The following KCNIP4 variants were observed in gnomAD, a reference collection of about 807,000 sequenced individuals.
KCNIP4 encodes Kv channel-interacting protein 4.
Under a neutral mutation model 34.0 loss-of-function variants are expected in KCNIP4, and 12 were observed. The observed-to-expected ratio is 0.35, with a 90% CI of 0.23 to 0.57. The LOEUF (loss-of-function observed/expected upper bound fraction) is 0.57, where lower values mean the gene tolerates loss of function less well. Among genes scored for constraint, KCNIP4 ranks in the 20% least tolerant of loss-of-function variants. KCNIP4 has a pLI of 0.83. For synonymous variants in KCNIP4, 124 were observed against 102.2 expected (o/e 1.21, Z -1.29); for missense variants, 238 against 311.7 (o/e 0.76, Z 1.78).
At position 20,853,950 on chromosome 4, in the gene KCNIP4, C is replaced by G. The variant is rs185644378; in HGVS notation, c.164-3283G>C. ...AATCAAAACCACAATGCAATACTGC[C>G]TTACTCCTCCAACAATGGCCATAAT... On this transcript the variant is annotated intron_variant, in intron 2 of 8. Transcript: ENST00000382152. Among the ~76,000 whole-genome samples the G allele has an allele frequency of 1.1e-4, 16 of 152,250 alleles. No individual in the cohort carries two copies. In the East Asian group the frequency reaches 2.9e-3, roughly 28 times the overall value.
intron 1 of KCNIP4, among the ~76,000 whole-genome samples, chr4:21,336,327 T>C (rs1716177267): frequency 6.6e-6 from 1 of 152,146 alleles, no homozygotes; most frequent in African/African-American, 2.4e-5. Flanking sequence ...CTCTGTGTAC[T>C]TACTGAGGGG....
At chr4:21,441,413 G>A (rs1727467613) in intron 1 of KCNIP4, among the ~76,000 whole-genome samples, 1 of 152,010 alleles carries the variant, frequency 6.6e-6, no homozygotes, top group Non-Finnish European at 1.5e-5. Flanking sequence ...AAAGTGCTGG[G>A]ATTACAGGCA....
intron 6 of KCNIP4, 92 bp from the exon 7 acceptor site, chr4:20,732,877 A>G (rs1748673286): frequency 1.3e-6 from 1 of 770,156 alleles, no homozygotes; most frequent in East Asian, 2.8e-5. Context: ...CTCAATTTTA[A>G]ATTTTTGACT....
intron 1 of KCNIP4, among the ~76,000 whole-genome samples, chr4:21,556,640 G>C (rs1739033189): frequency 6.6e-6 from 1 of 151,984 alleles, no homozygotes; most frequent in Non-Finnish European, 1.5e-5. Flanking sequence ...TACATCAGAG[G>C]CCAGGCATTG....
rs552477636 is a variant in KCNIP4, at chr4:20,961,477, A to C, written c.62-78768T>G. ...AAAAGCCCCAAAACTCAGCAAAGGC[A>C]ACAATTCAAACTACCACAGGAAATG... On this transcript the variant is annotated intron_variant, in intron 1 of 8. Transcript: ENST00000382152. Among the ~76,000 whole-genome samples, 258 of 152,342 alleles carry C rather than the reference A, an allele frequency of 1.7e-3. 1 individual carries two copies. Among genetic ancestry groups the C allele is most frequent in the African/African-American group, 5.8e-3 (243 of 41,582 alleles).
chr4:21,482,702 C>T (rs1490580848), intron 1 of KCNIP4, among the ~76,000 whole-genome samples: 3 of 152,100 alleles, frequency 2.0e-5, no homozygotes, highest in African/African-American at 7.2e-5. Context: ...GATGGGCTTC[C>T]CTTTGTGGGT....
At chr4:20,770,721 G>A (rs1394801821) in intron 3 of KCNIP4, among the ~76,000 whole-genome samples, 1 of 152,128 alleles carries the variant, frequency 6.6e-6, no homozygotes, top group Non-Finnish European at 1.5e-5. Flanking sequence ...ATCACCTGAG[G>A]TCAGGAGTTG....
chr4:21,673,327 A>G (rs2109012018), intron 1 of KCNIP4, among the ~76,000 whole-genome samples: 1 of 152,286 alleles, frequency 6.6e-6, no homozygotes. Flanking sequence ...TACATTCTTT[A>G]TATCTTCTTG....
intron 2 of KCNIP4, among the ~76,000 whole-genome samples, chr4:20,875,862 G>T (rs969132153): frequency 6.6e-6 from 1 of 152,132 alleles, no homozygotes; most frequent in African/African-American, 2.4e-5. Flanking sequence ...AAATTTCTAT[G>T]ATCAATATGC....
chr4:21,225,118 T>C (rs563790764), intron 1 of KCNIP4, among the ~76,000 whole-genome samples: 1 of 152,154 alleles, frequency 6.6e-6, no homozygotes, highest in Non-Finnish European at 1.5e-5. Context: ...ACTAATGATA[T>C]TTTCAATTCA....
At chr4:20,967,127 A>G (rs1734430096) in intron 1 of KCNIP4, among the ~76,000 whole-genome samples, 1 of 152,110 alleles carries the variant, frequency 6.6e-6, no homozygotes, top group Non-Finnish European at 1.5e-5. Flanking sequence ...CTTTATCATG[A>G]CCTATATCTT....
chr4:20,867,627 G>A (rs372157453), intron 2 of KCNIP4, among the ~76,000 whole-genome samples: 4 of 152,020 alleles, frequency 2.6e-5, no homozygotes, highest in African/African-American at 7.2e-5. Flanking sequence ...AATAATTTTT[G>A]GCTAAGTTCC....
rs1393502161 is a variant in KCNIP4, at chr4:21,460,099, CCCCG to C, written c.61+488468_61+488471del. Among the ~76,000 whole-genome samples the C allele has an allele frequency of 1.5e-3, 181 of 118,068 alleles. 1 individual carries two copies. Among genetic ancestry groups the C allele is most frequent in the African/African-American group, 3.9e-3 (148 of 38,354 alleles). The allele number at this position is 118,068 out of a possible 152,430, so 77.5% of individuals were successfully genotyped here. ...CCTACAAGGCCTTGCAAAATCTGCC[CCCCG>C]CCCCCCATCTCTTGTGTTTTATTTT... On this transcript the variant is annotated intron_variant, in intron 1 of 8. Coordinates refer to ENST00000382152, the MANE Select transcript of KCNIP4 (RefSeq NM_025221.6).
In KCNIP4 at chr4:21,751,920, G is replaced by A. The variant is rs141987174; in HGVS notation, c.61+196651C>T. 8.7e-3 allele frequency among the ~76,000 whole-genome samples: 1,331 copies of A among 152,234 alleles called. 19 individuals are homozygous for A. The highest frequency in any genetic ancestry group is 0.039 in the South Asian group (188 of 4,822). On this transcript the variant is annotated intron_variant, in intron 1 of 8. Transcript: ENST00000382152. Reference sequence around the variant, plus strand: ...CAAGGAAAAGAAGTTCAAATAAAAAGGTAGCAAAACTAATAGAAACTGTCT... The same window carrying A: ...CAAGGAAAAGAAGTTCAAATAAAAAAGTAGCAAAACTAATAGAAACTGTCT...
intron 1 of KCNIP4, among the ~76,000 whole-genome samples, chr4:21,765,660 CT>C (rs1204906814): frequency 1.3e-5 from 2 of 150,434 alleles, no homozygotes; most frequent in Non-Finnish European, 3.0e-5. Context: ...ATAAATGGGT[CT>C]TGTTTTATTG....
At chr4:21,861,648 C>A (rs1351063968) in intron 1 of KCNIP4, among the ~76,000 whole-genome samples, 1 of 91,584 alleles carries the variant, frequency 1.1e-5, no homozygotes, top group African/African-American at 3.6e-5. Context: ...CAGAGTGAGA[C>A]TCCGTCTCAA....
intron 1 of KCNIP4, among the ~76,000 whole-genome samples, chr4:21,694,824 C>T (rs1171764101): frequency 6.7e-6 from 1 of 149,742 alleles, no homozygotes; most frequent in South Asian, 2.1e-4. Flanking sequence ...AAATGAGAAG[C>T]AGCTGCCAAA....
intron 1 of KCNIP4, among the ~76,000 whole-genome samples, chr4:21,810,689 CAAA>C (rs397992521): frequency 5.6e-5 from 6 of 107,578 alleles, no homozygotes; most frequent in African/African-American, 6.7e-5. Context: ...GACTCCGTCT[CAAA>C]AAAAAAAAAA....
intron 1 of KCNIP4, among the ~76,000 whole-genome samples, chr4:21,781,848 T>C (rs1361791310): frequency 6.6e-6 from 1 of 152,116 alleles, no homozygotes; most frequent in Non-Finnish European, 1.5e-5. Flanking sequence ...AAAGTTTCTA[T>C]ATTTCACTTC....
Sources: allele counts gnomAD v4.1 joint callset (sites outside exome capture counted in the v4.1 genomes callset), GRCh38; gene constraint gnomAD v4.1.1; transcripts MANE v1.5; gene names NCBI Gene and HGNC (gene_info 2026-07-23, HGNC 2026-07-21).